BRF1: variants seen among roughly 807,000 people sequenced by gnomAD.
The protein encoded by BRF1 is BRF1 general transcription factor IIIB subunit.
BRF1 carries 59 observed loss-of-function variants against 81.7 expected under a neutral mutation model. The ratio of observed to expected loss-of-function variants is 0.72; its 90% CI spans 0.59 to 0.90. BRF1 has a LOEUF of 0.90. Ranked by LOEUF, BRF1 falls within the 40% of genes least tolerant of loss-of-function variation. The pLI, the probability that BRF1 is intolerant of heterozygous loss-of-function variation, is 0.00. For synonymous variants in BRF1, 491 were observed against 395.6 expected (o/e 1.24, Z -2.86); for missense variants, 1,050 against 936.3 (o/e 1.12, Z -1.58).
At chr14:105,282,284 C>T (rs2057138317) in intron 2 of BRF1, among the ~76,000 whole-genome samples, 1 of 152,186 alleles carries the variant, frequency 6.6e-6, no homozygotes, top group Non-Finnish European at 1.5e-5. Context: ...CCTGTGACCT[C>T]GCAGGGTGCA....
At chr14:105,250,233 G>A (rs1272881375) in intron 5 of BRF1, 3 of 1,612,910 alleles carry the variant, frequency 1.9e-6, no homozygotes, top group Non-Finnish European at 1.7e-6. Context: ...AGGTGCCACC[G>A]ATTCCAGTCT....
intron 2 of BRF1, among the ~76,000 whole-genome samples, chr14:105,277,975 C>T (rs1182300448): frequency 6.6e-6 from 1 of 152,068 alleles, no homozygotes; most frequent in Non-Finnish European, 1.5e-5. Context: ...AGGATGGTCT[C>T]GAACTCCTGA....
intron 1 of BRF1, among the ~76,000 whole-genome samples, chr14:105,290,948 C>G (rs587757590): frequency 6.6e-6 from 1 of 152,210 alleles, no homozygotes; most frequent in Non-Finnish European, 1.5e-5. Flanking sequence ...CAGTGTGAAA[C>G]CTCAGAACAC....
chr14:105,312,037 G>A (rs1355619737), intron 1 of BRF1, among the ~76,000 whole-genome samples: 1 of 152,238 alleles, frequency 6.6e-6, no homozygotes, highest in Non-Finnish European at 1.5e-5. Flanking sequence ...CAACTGACCA[G>A]TGCTGGCCCT....
At chr14:105,301,583 C>G (rs955173711), upstream of BRF1, among the ~76,000 whole-genome samples, 4 of 152,196 alleles carry the variant, frequency 2.6e-5, no homozygotes, top group East Asian at 7.7e-4. Context: ...CACCCTGCCC[C>G]GCCCTCCGCA....
intron 1 of BRF1, chr14:105,314,944 TC>T: frequency 8.6e-7 from 1 of 1,159,410 alleles, no homozygotes; most frequent in Non-Finnish European, 1.1e-6. Context: ...CGCCTCGGCC[TC>T]CCCGGCGCGC....
At chr14:105,270,622 C>T (rs1170797924) in intron 3 of BRF1, among the ~76,000 whole-genome samples, 2 of 151,948 alleles carry the variant, frequency 1.3e-5, no homozygotes, top group African/African-American at 4.8e-5. Flanking sequence ...AACCCCATCT[C>T]TACTAAAAAT....
intron 5 of BRF1, chr14:105,248,581 GCGGGCGGGA>G (rs1566832575): frequency 1.2e-6 from 1 of 858,616 alleles, no homozygotes; most frequent in East Asian, 1.2e-4. Flanking sequence ...GGGCGGGCGG[GCGGGCGGGA>G]CGGCGCCCCC....
rs751244105 is a variant in BRF1 at position 105,226,052 on chromosome 14, G to A, written c.1048+17C>T. 126 of 1,608,778 alleles carry A rather than the reference G, an allele frequency of 7.8e-5. No individual in the cohort carries two copies. Among genetic ancestry groups the A allele is most frequent in the Middle Eastern group, 1.7e-4 (1 of 5,892 alleles). On this transcript the variant is annotated intron_variant, in intron 10 of 17. Coordinates refer to ENST00000547530, the MANE Select transcript of BRF1 (RefSeq NM_001519.4). ...CATTTTAAAGGTCTGAATAGGGGCCGGGCACAGTGGACTCACCATCTTTTG... is the reference window on the plus strand; with the variant it reads ...CATTTTAAAGGTCTGAATAGGGGCCAGGCACAGTGGACTCACCATCTTTTG...
chr14:105,298,855 A>G, intron 1 of BRF1, among the ~76,000 whole-genome samples: 1 of 135,698 alleles, frequency 7.4e-6, no homozygotes, highest in Admixed American at 7.3e-5. Flanking sequence ...ATTCTGTCTC[A>G]AAAAAAAAAA....
intron 2 of BRF1, among the ~76,000 whole-genome samples, chr14:105,279,123 G>A (rs192097585): frequency 1.5e-4 from 23 of 152,088 alleles, no homozygotes; most frequent in African/African-American, 2.2e-4. Flanking sequence ...GTGAGAGGGC[G>A]GCTTTAGTCT....
chr14:105,217,552 C>T lies in BRF1; in HGVS notation c.1764G>A (p.Val588=), dbSNP rs1345667207. 6.2e-7 allele frequency: 1 copy of T among 1,613,122 alleles called. No homozygotes were observed. Among genetic ancestry groups the T allele is most frequent in the African/African-American group, 1.3e-5 (1 of 75,066 alleles). The change falls in exon 15 of 18, where the codon GTG becomes GTA. Residue 588 remains valine (V), a synonymous_variant. Coordinates refer to ENST00000547530, the MANE Select transcript of BRF1 (RefSeq NM_001519.4). ...SRSGADPVTS[V]GKRLRPLVST... Reference sequence around the variant, plus strand: ...TCAGGACAGGATGGTACCTTTTCCCCACACTGGTCACAGGGTCAGCCCCAC... The same window carrying T: ...TCAGGACAGGATGGTACCTTTTCCCTACACTGGTCACAGGGTCAGCCCCAC...
At chr14:105,223,788 T>C (rs1892671637) in intron 10 of BRF1, among the ~76,000 whole-genome samples, 1 of 152,190 alleles carries the variant, frequency 6.6e-6, no homozygotes, top group South Asian at 2.1e-4. Flanking sequence ...GCAGTTTTCA[T>C]ACGGCAATCA....
intron 1 of BRF1, among the ~76,000 whole-genome samples, chr14:105,296,927 G>T (rs1028937451): frequency 1.3e-5 from 2 of 151,470 alleles, no homozygotes; most frequent in Non-Finnish European, 2.9e-5. Flanking sequence ...AGGCTGAAGT[G>T]GGGGGGGATC....
chr14:105,286,972 G>C (rs2057337799), intron 1 of BRF1, among the ~76,000 whole-genome samples: 1 of 152,186 alleles, frequency 6.6e-6, no homozygotes, highest in African/African-American at 2.4e-5. Context: ...GTGACCACAT[G>C]TGAACACATC....
intron 14 of BRF1, among the ~76,000 whole-genome samples, chr14:105,218,653 G>T (rs908170122): frequency 3.3e-5 from 5 of 152,200 alleles, no homozygotes; most frequent in African/African-American, 1.2e-4. Context: ...CATGACAGTC[G>T]GACTTTCCCA....
chr14:105,311,959 C>T (rs946975486), intron 1 of BRF1, among the ~76,000 whole-genome samples: 1 of 152,224 alleles, frequency 6.6e-6, no homozygotes, highest in Non-Finnish European at 1.5e-5. Flanking sequence ...GACCTGGCCA[C>T]GTGGGGCTGC....
At chr14:105,295,775 T>C (rs373201611) in intron 1 of BRF1, among the ~76,000 whole-genome samples, 11 of 144,908 alleles carry the variant, frequency 7.6e-5, no homozygotes, top group African/African-American at 2.9e-4. Context: ...CAGTGAGACT[T>C]TGTCCCAGAA....
At position 105,228,877 on chromosome 14, in the gene BRF1, C is replaced by T. The variant is rs746649045; in HGVS notation, c.731G>A (p.Arg244Lys). 6.2e-7 allele frequency: 1 copy of T among 1,613,866 alleles called. No individual in the cohort carries two copies. The change falls in exon 7 of 18, where the codon AGG becomes AAG. Residue 244 changes from arginine (R) to lysine (K), a missense_variant. Physicochemically the swap from Arg to Lys is conservative, Grantham distance 26. Transcript: ENST00000547530. ...CACACTGATGACCTCCTTCACAGTCCTCCTGAAGTCATGCATTCTGGCTGC... is the reference window on the plus strand; with the variant it reads ...CACACTGATGACCTCCTTCACAGTCTTCCTGAAGTCATGCATTCTGGCTGC... ...LVAARMHDFR[R>K]TVKEVISVVK...
Sources: gnomAD v4.1 joint callset for allele counts (sites outside exome capture counted in the v4.1 genomes callset) on GRCh38, gnomAD v4.1.1 for gene constraint, MANE v1.5 for transcripts, NCBI Gene and HGNC (gene_info 2026-07-23, HGNC 2026-07-21) for gene names.